Variants in HIPK3 observed in about 807,000 individuals in gnomAD.
HIPK3 encodes the protein homeodomain-interacting protein kinase 3.
A neutral mutation model predicts 124.2 loss-of-function variants in HIPK3; 47 were observed. The ratio of observed to expected loss-of-function variants is 0.38; its 90% confidence interval spans 0.30 to 0.48. The LOEUF is 0.48. Among genes scored for constraint, HIPK3 ranks in the 20% least tolerant of loss-of-function variants. The pLI, the probability that HIPK3 is intolerant of heterozygous loss-of-function variation, is 0.98. For synonymous variants in HIPK3, 482 were observed against 515.2 expected (o/e 0.94, Z 0.87); for missense variants, 1,286 against 1,454.3 (o/e 0.88, Z 1.88).
chr11:33,313,426 A>C (rs992143344), intron 2 of HIPK3, among the ~76,000 whole-genome samples: 4 of 152,328 alleles, frequency 2.6e-5, no homozygotes, highest in Middle Eastern at 3.4e-3. Context: ...GTTTTGGGGA[A>C]GTATACACTG....
chr11:33,339,552 C>A lies in HIPK3; in HGVS notation c.1613+18C>A, dbSNP rs758003431. Reference sequence around the variant, plus strand: ...AGCAACCAGTATGTTACTTTAAGATCTTTTAAAGTGGTTCTAAAAAAAAAT... The same window carrying A: ...AGCAACCAGTATGTTACTTTAAGATATTTTAAAGTGGTTCTAAAAAAAAAT... On this transcript the variant is annotated intron_variant, in intron 6 of 16. Transcript: ENST00000303296. 8.1e-6 allele frequency: 12 copies of A among 1,480,926 alleles called. No homozygotes were observed. The highest frequency in any genetic ancestry group is 9.2e-6 in the Non-Finnish European group (10 of 1,086,988). The allele number at this position is 1,480,926 out of a possible 1,614,324, so 91.7% of individuals were successfully genotyped here. A position where few individuals can be genotyped will look rare whatever the true frequency, so the allele number is the denominator to read the frequency against.
chr11:33,281,259 A>G (rs1389612939), intron 1 of HIPK3, among the ~76,000 whole-genome samples: 1 of 151,858 alleles, frequency 6.6e-6, no homozygotes. Flanking sequence ...TACAAGTGTG[A>G]GCCACTATGC....
chr11:33,285,095 C>G (rs919177076), intron 1 of HIPK3, among the ~76,000 whole-genome samples: 1 of 152,092 alleles, frequency 6.6e-6, no homozygotes, highest in African/African-American at 2.4e-5. Flanking sequence ...TCTTTCATAT[C>G]TATGTTATAT....
intron 1 of HIPK3, 42 bp from the exon 2 acceptor site, chr11:33,286,371 C>G: frequency 3.6e-6 from 5 of 1,373,194 alleles, no homozygotes; most frequent in Non-Finnish European, 4.7e-6. Context: ...AATATTTCTT[C>G]TTTCCTTTTT....
At position 33,286,349 on chromosome 11, in the gene HIPK3, AT is replaced by A. The variant is rs942163986; in HGVS notation, c.-2-62del. On this transcript the variant is annotated intron_variant, in intron 1 of 16. Transcript: ENST00000303296. ...CCTGATATTTAAAATTGAAAAAAAA[AT>A]TGTTGACATTAATATTTCTTCTTTC... The A allele has an allele frequency of 1.2e-5, 16 of 1,330,538 alleles. No individual in the cohort carries two copies. In the African/African-American group the frequency reaches 2.3e-4, roughly 19 times the overall value. The allele number at this position is 1,330,538 out of a possible 1,614,324, so 82.4% of individuals were successfully genotyped here. A position where few individuals can be genotyped will look rare whatever the true frequency, so the allele number is the denominator to read the frequency against.
rs146707626 is a variant in HIPK3, at chr11:33,315,373, C to T, written c.1098-13137C>T. ...TCCCAAGTAGCTGGGATTACAGGCA[C>T]GCGCCACCACACCTGCCTAATTTTT... is the stretch of plus-strand genomic sequence containing the variant. On this transcript the variant is annotated intron_variant, in intron 2 of 16. Coordinates refer to ENST00000303296, the MANE Select transcript of HIPK3 (RefSeq NM_005734.5). Among the ~76,000 whole-genome samples, 1,362 of 152,090 alleles carry T rather than the reference C, an allele frequency of 9.0e-3. 19 individuals are homozygous for T. The highest frequency in any genetic ancestry group is 0.031 in the African/African-American group (1,270 of 41,488).
upstream of HIPK3, among the ~76,000 whole-genome samples, chr11:33,256,904 G>A (rs2133852070): frequency 6.6e-6 from 1 of 152,256 alleles, no homozygotes; most frequent in South Asian, 2.1e-4. Context: ...GATTGAGGTC[G>A]TTCATTTGAG....
At position 33,351,700 on chromosome 11, in the gene HIPK3, G is replaced by A; in HGVS notation, c.2900G>A (p.Ser967Asn). Residue 967 changes from serine (S) to asparagine (N), a missense_variant, in exon 15 of 17, where the codon AGC (serine) becomes AAC (asparagine). Around this residue, in one of 3 missense-constraint regions of HIPK3, gnomAD observed 810 missense variants for 864.9 expected, o/e 0.94. Coordinates refer to ENST00000303296, the MANE Select transcript of HIPK3 (RefSeq NM_005734.5). Reference protein sequence around the residue: ...SSGHDSPFAESTFVEDTHENT... With the variant: ...SSGHDSPFAENTFVEDTHENT... ...GGGCATGACAGTCCATTTGCAGAGAGCACTTTTGTGGAGGACACTCATGAA... is the reference window on the plus strand; with the variant it reads ...GGGCATGACAGTCCATTTGCAGAGAACACTTTTGTGGAGGACACTCATGAA... 2.5e-6 allele frequency: 4 copies of A among 1,614,178 alleles called. No homozygotes were observed. The highest frequency in any genetic ancestry group is 3.4e-6 in the Non-Finnish European group (4 of 1,180,020).
intron 14 of HIPK3, among the ~76,000 whole-genome samples, chr11:33,350,719 GTC>G (rs1440993548): frequency 6.6e-6 from 1 of 151,772 alleles, no homozygotes; most frequent in Non-Finnish European, 1.5e-5. Flanking sequence ...AAGAAATAAA[GTC>G]TTATTTTAGT....
chr11:33,319,012 C>T (rs142361315), intron 2 of HIPK3, among the ~76,000 whole-genome samples: 1 of 152,258 alleles, frequency 6.6e-6, no homozygotes, highest in East Asian at 1.9e-4. Context: ...TAACTTTGGG[C>T]AGTGTATTTG....
intron 1 of HIPK3, among the ~76,000 whole-genome samples, chr11:33,265,358 T>G (rs770634975): frequency 7.2e-5 from 11 of 152,354 alleles, no homozygotes; most frequent in Admixed American, 1.3e-4. Context: ...TCAAAAATAG[T>G]GGATTTGTAA....
chr11:33,289,427 C>T (rs552526498), intron 2 of HIPK3, among the ~76,000 whole-genome samples: 110 of 151,564 alleles, frequency 7.3e-4, no homozygotes, highest in Admixed American at 2.4e-3. Flanking sequence ...CCTGAGTGAC[C>T]GAGTGAGACC....
intron 2 of HIPK3, among the ~76,000 whole-genome samples, chr11:33,316,779 C>T (rs1352606125): frequency 6.6e-6 from 1 of 152,088 alleles, no homozygotes; most frequent in Non-Finnish European, 1.5e-5. Flanking sequence ...GCTATGATTG[C>T]ATCACTGCTC....
intron 6 of HIPK3, among the ~76,000 whole-genome samples, chr11:33,340,373 G>C (rs1376778906): frequency 6.6e-6 from 1 of 152,190 alleles, no homozygotes; most frequent in Non-Finnish European, 1.5e-5. Context: ...ACTGCACCTG[G>C]CCAAATCTTA....
At position 33,264,697 on chromosome 11, in the gene HIPK3, G is replaced by C. The variant is rs567758587; in HGVS notation, c.-3+6808G>C. 8.5e-5 allele frequency among the ~76,000 whole-genome samples: 13 copies of C among 152,230 alleles called. No homozygotes were observed. In the East Asian group the frequency reaches 2.5e-3, roughly 29 times the overall value. The stretch of plus-strand genomic sequence containing the variant: ...ATTTGATTTGCTAAAAACAAAAAAT[G>C]TTTATTTCAAATTCTTTAACTTCCC... On this transcript the variant is annotated intron_variant, in intron 1 of 16. Coordinates refer to ENST00000303296, the MANE Select transcript of HIPK3 (RefSeq NM_005734.5).
At chr11:33,307,684 G>C (rs1405185162) in intron 2 of HIPK3, among the ~76,000 whole-genome samples, 1 of 151,884 alleles carries the variant, frequency 6.6e-6, no homozygotes. Context: ...GGGATTACAG[G>C]CGTGAACCAC....
chr11:33,298,583 G>A (rs1851904266), intron 2 of HIPK3, among the ~76,000 whole-genome samples: 1 of 152,166 alleles, frequency 6.6e-6, no homozygotes, highest in East Asian at 1.9e-4. Context: ...TTCTGGAAAG[G>A]ATTTATTGTT....
intron 3 of HIPK3, among the ~76,000 whole-genome samples, chr11:33,335,445 C>G (rs1853113777): frequency 6.6e-6 from 1 of 152,046 alleles, no homozygotes; most frequent in South Asian, 2.1e-4. Context: ...CCATTAGTAT[C>G]AAAGTAAAAT....
rs1321232322 is a variant in HIPK3, at chr11:33,353,463, T to G, written c.3543T>G (p.Thr1181=). 6.8e-6 allele frequency: 11 copies of G among 1,613,904 alleles called. No homozygotes were observed. Among genetic ancestry groups the G allele is most frequent in the Non-Finnish European group, 9.3e-6 (11 of 1,179,882 alleles). The change falls in exon 17 of 17, where the codon ACT becomes ACG. Residue 1181 remains threonine, a synonymous_variant. Transcript: ENST00000303296. ...TACCATCCCCAACCATTCATCAGAC[T>G]CAGTACAAACCAATCTTCCCACCAC... ...RLLPSPTIHQ[T]QYKPIFPPHS...
Sources: gnomAD v4.1 joint callset for allele counts (sites outside exome capture counted in the v4.1 genomes callset) on GRCh38, gnomAD v4.1.1 for gene constraint, gnomAD v4.1.1 regional missense constraint, MANE v1.5 for transcripts, NCBI Gene and HGNC (gene_info 2026-07-23, HGNC 2026-07-21) for gene names.